The following STK11IP variants were observed in gnomAD, a reference collection of about 807,000 sequenced individuals.
STK11IP encodes serine/threonine kinase 11 interacting protein, also known as serine/threonine-protein kinase 11-interacting protein.
Under a neutral mutation model 131.7 loss-of-function variants are expected in STK11IP, and 103 were observed. The observed-to-expected ratio is 0.78, with a 90% confidence interval of 0.67 to 0.92. STK11IP has a LOEUF of 0.92. Among genes scored for constraint, STK11IP ranks in the 40% least tolerant of loss-of-function variants. STK11IP has a pLI of 0.00. For missense variants in STK11IP, 1,315 were observed against 1,385.7 expected, an observed-to-expected ratio of 0.95 and a Z score of 0.81; for synonymous variants, 557 against 575.6, an observed-to-expected ratio of 0.97 and a Z score of 0.46.
chr2:219,598,084 C>T lies in STK11IP; in HGVS notation c.-26-10C>T, dbSNP rs932733087. 5 of 1,547,164 alleles carry T rather than the reference C, an allele frequency of 3.2e-6. No homozygotes were observed. The highest frequency in any genetic ancestry group is 1.9e-5 in the Admixed American group (1 of 53,194). ...CCTGAGGCTCTTCCGCTTCCTCTTT[C>T]CCCCCCCAGGCTCCGCCCCCCAGCG... On this transcript the variant is annotated splice_polypyrimidine_tract_variant and intron_variant, in intron 1 of 24. Transcript: ENST00000456909.
chr2:219,611,949 C>A lies in STK11IP; in HGVS notation c.2336-6C>A. 1 of 1,589,200 alleles carries A rather than the reference C, an allele frequency of 6.3e-7. No individual in the cohort carries two copies. Among genetic ancestry groups the A allele is most frequent in the Non-Finnish European group, 8.6e-7 (1 of 1,168,490 alleles). ...GGGCAGGCTGATGCCCCCTCATTGCCCTCAGCCCCTGAGCGCTGTGGCCTC... is the reference window on the plus strand; with the variant it reads ...GGGCAGGCTGATGCCCCCTCATTGCACTCAGCCCCTGAGCGCTGTGGCCTC... On this transcript the variant is annotated splice_region_variant and splice_polypyrimidine_tract_variant and intron_variant, in intron 18 of 24. Coordinates refer to ENST00000456909, the MANE Select transcript of STK11IP (RefSeq NM_052902.4).
intron 19 of STK11IP, 90 bp downstream of exon 19, chr2:219,612,148 T>C (rs1698420443): frequency 8.4e-7 from 1 of 1,196,322 alleles, no homozygotes; most frequent in Non-Finnish European, 1.2e-6. Context: ...TCAAGCACTC[T>C]AGAGACCTGA....
chr2:219,606,503 C>T lies in STK11IP; in HGVS notation c.973C>T (p.Leu325=), dbSNP rs766209921. 6.2e-7 allele frequency: 1 copy of T among 1,612,828 alleles called. No individual in the cohort carries two copies. Among genetic ancestry groups the T allele is most frequent in the South Asian group, 1.1e-5 (1 of 90,776 alleles). The change falls in exon 11 of 25, where the codon CTG becomes TTG. Residue 325 remains leucine (L), a synonymous_variant. Transcript: ENST00000456909. The part of the protein sequence containing the change: ...GFLLDGKVLS[L]TDFQTHTSLG... The stretch of plus-strand genomic sequence containing the variant: ...CCTTCTCGATGGCAAGGTCTTGTCA[C>T]TGACAGATTTTCAGGTCGGTGTGGT...
intron 8 of STK11IP, 65 bp from the exon 9 acceptor site, chr2:219,605,891 A>G (rs1372608085): frequency 2.0e-6 from 3 of 1,483,472 alleles, no homozygotes; most frequent in Non-Finnish European, 2.8e-6. Flanking sequence ...CCCCCAGTGC[A>G]TGCACCACAC....
rs1698315958 is a variant in STK11IP, at chr2:219,609,359, T to C, written c.1927-4T>C. ...ACAGCTGCCTCTGATCCACCCTCTG[T>C]CAGGAGCTGCTTGCCGTGTTGACCC... is the stretch of plus-strand genomic sequence containing the variant. On this transcript the variant is annotated splice_region_variant and splice_polypyrimidine_tract_variant and intron_variant, in intron 16 of 24. Transcript: ENST00000456909. 6.2e-7 allele frequency: 1 copy of C among 1,613,486 alleles called. No homozygotes were observed. The highest frequency in any genetic ancestry group is 1.3e-5 in the African/African-American group (1 of 75,056).
chr2:219,614,246 A>G lies in STK11IP; in HGVS notation c.2798+4A>G. ...TCACCCCCCAGCACCGGCTCTGGTG[A>G]GTCGATAGGAGGCAGAGGCTGGGGT... On this transcript the variant is annotated splice_donor_region_variant and intron_variant, in intron 22 of 24. Coordinates refer to ENST00000456909, the MANE Select transcript of STK11IP (RefSeq NM_052902.4). 6.2e-7 allele frequency: 1 copy of G among 1,613,156 alleles called. No individual in the cohort carries two copies.
intron 6 of STK11IP, 29 bp downstream of exon 6, chr2:219,602,604 G>C (rs774670839): frequency 1.2e-6 from 2 of 1,612,710 alleles, no homozygotes; most frequent in South Asian, 1.1e-5. Flanking sequence ...AGAGGGTTTC[G>C]AGGAAGGGCA....
chr2:219,615,917 T>A (rs640807), intron 24 of STK11IP, 127 bp from the exon 25 acceptor site: 3 of 1,229,358 alleles, frequency 2.4e-6, no homozygotes, highest in Non-Finnish European at 2.3e-6. Flanking sequence ...GGGAGTGACA[T>A]GGGCCTGGGG....
At chr2:219,603,048 T>G (rs867686984) in intron 7 of STK11IP, among the ~76,000 whole-genome samples, 5 of 148,044 alleles carry the variant, frequency 3.4e-5, no homozygotes, top group Admixed American at 6.7e-5. Flanking sequence ...TTTTTTTTTT[T>G]TTTTTTTTTT....
rs757442768 is a variant in STK11IP, at chr2:219,606,527, G to T, written c.987+10G>T. On this transcript the variant is annotated intron_variant, in intron 11 of 24. Transcript: ENST00000456909. ...ACTGACAGATTTTCAGGTCGGTGTG[G>T]TTGGGGGGCGAGGACTGTTGGGGGA... 6 of 1,612,718 alleles carry T rather than the reference G, an allele frequency of 3.7e-6. No individual in the cohort carries two copies. Among genetic ancestry groups the T allele is most frequent in the Non-Finnish European group, 5.1e-6 (6 of 1,179,412 alleles).
Position 219,609,363 on chromosome 2 carries a change from G to C in STK11IP, c.1927G>C (p.Glu643Gln). 6.2e-7 allele frequency: 1 copy of C among 1,613,578 alleles called. No individual in the cohort carries two copies. Among genetic ancestry groups the C allele is most frequent in the Non-Finnish European group, 8.5e-7 (1 of 1,179,742 alleles). Residue 643 changes from glutamate to glutamine, a missense_variant and splice_region_variant, in exon 17 of 25, where the codon GAG becomes CAG. Coordinates refer to ENST00000456909, the MANE Select transcript of STK11IP (RefSeq NM_052902.4). ...LEPDAHAAVQ[E>Q]LLAVLTPVTN... ...CTGCCTCTGATCCACCCTCTGTCAG[G>C]AGCTGCTTGCCGTGTTGACCCCAGT...
At chr2:219,611,570 G>A (rs756581555) in intron 17 of STK11IP, 34 bp from the exon 18 acceptor site, 6 of 1,545,960 alleles carry the variant, frequency 3.9e-6, no homozygotes, top group Non-Finnish European at 5.4e-6. Context: ...ACTGTGGGGG[G>A]GGCTCATGGG....
Position 219,609,152 on chromosome 2 carries a change from G to C in STK11IP, c.1865G>C (p.Cys622Ser). The C allele has an allele frequency of 6.2e-7, 1 of 1,610,550 alleles. No individual in the cohort carries two copies. The change falls in exon 16 of 25, where the codon TGC becomes TCC. Residue 622 changes from cysteine to serine, a missense_variant. Transcript: ENST00000456909. Reference protein sequence around the residue: ...PILSLRFSYICPDRQLRRYLV... With the variant: ...PILSLRFSYISPDRQLRRYLV... ...CTCAGTCTGCGCTTCTCCTACATCT[G>C]CCCTGACCGGCAGTTGCGTCGCTAT... is the stretch of plus-strand genomic sequence containing the variant.
At chr2:219,615,825 T>C (rs985820328) in intron 24 of STK11IP, 1 of 729,712 alleles carries the variant, frequency 1.4e-6, no homozygotes, top group Non-Finnish European at 2.5e-6. Flanking sequence ...ACAGGGAAGA[T>C]GAAAAAGACA....
At chr2:219,600,059 GT>G (rs57060581) in intron 2 of STK11IP, among the ~76,000 whole-genome samples, 3,018 of 91,630 alleles carry the variant, frequency 0.033, 49 homozygotes, top group African/African-American at 0.13. Context: ...TTTTGTTTTT[GT>G]TTTTTTTTTT....
intron 5 of STK11IP, 62 bp downstream of exon 5, chr2:219,602,145 T>C: frequency 8.0e-7 from 1 of 1,244,414 alleles, no homozygotes; most frequent in Non-Finnish European, 1.1e-6. Context: ...GACCAAGCTC[T>C]GATGTTCTCC....
At chr2:219,613,719 G>C (rs1198601337) in intron 20 of STK11IP, 33 bp from the exon 21 acceptor site, 1 of 1,611,864 alleles carries the variant, frequency 6.2e-7, no homozygotes, top group South Asian at 1.1e-5. Context: ...CCACTCTCAT[G>C]CTTCTCCATT....
At chr2:219,613,258 G>T (rs1574630901) in intron 20 of STK11IP, 33 bp downstream of exon 20, 1 of 1,295,772 alleles carries the variant, frequency 7.7e-7, no homozygotes, top group Non-Finnish European at 1.1e-6. Flanking sequence ...TGAGTAAGGG[G>T]GGAGATGGGG....
In STK11IP at chr2:219,606,858, G is replaced by A. The variant is rs1183350178; in HGVS notation, c.1134G>A (p.Lys378=). Residue 378 remains lysine (K), a splice_region_variant and synonymous_variant, in exon 12 of 25, where the codon AAG becomes AAA. Transcript: ENST00000456909. ...VVTQPLLHKV[K]SRVRVRRASI... ...CCCAGCCCCTGCTTCATAAGGTTAAGGTAAGCAGCGTCCTCCGCTGCCTTG... is the reference window on the plus strand; with the variant it reads ...CCCAGCCCCTGCTTCATAAGGTTAAAGTAAGCAGCGTCCTCCGCTGCCTTG... The A allele has an allele frequency of 3.2e-5, 51 of 1,608,384 alleles. No individual in the cohort carries two copies. Among genetic ancestry groups the A allele is most frequent in the Middle Eastern group, 1.7e-4 (1 of 6,044 alleles).
Sources: gnomAD v4.1 joint callset for allele counts (sites outside exome capture counted in the v4.1 genomes callset) on GRCh38, gnomAD v4.1.1 for gene constraint, MANE v1.5 for transcripts, NCBI Gene and HGNC (gene_info 2026-07-23, HGNC 2026-07-21) for gene names.